USH2A: variants seen among roughly 807,000 people sequenced by gnomAD.
The protein encoded by USH2A is Usher syndrome 2A (autosomal recessive, mild).
A neutral mutation model predicts 538.9 loss-of-function variants in USH2A; 443 were observed. The ratio of observed to expected loss-of-function variants is 0.82; its 90% CI spans 0.76 to 0.89. The LOEUF is 0.89. USH2A is among the 40% of genes least tolerant of loss of function. The probability of loss-of-function intolerance (pLI) is 0.00; values close to 1 mark genes in which losing one functional copy is unlikely to be tolerated. For synonymous variants in USH2A, 2,413 were observed against 2,273.5 expected, an observed-to-expected ratio of 1.06 and a Z score of -1.75; for missense variants, 6,633 against 6,324.8, an observed-to-expected ratio of 1.05 and a Z score of -1.65.
intron 52 of USH2A, among the ~76,000 whole-genome samples, chr1:215,784,362 C>T (rs928611412): frequency 3.3e-5 from 5 of 152,136 alleles, no homozygotes; most frequent in Admixed American, 3.3e-4. Flanking sequence ...CTCAGATGGT[C>T]AATATGTTTT....
chr1:216,197,583 C>A (rs1003084475), intron 18 of USH2A, among the ~76,000 whole-genome samples: 1 of 152,144 alleles, frequency 6.6e-6, no homozygotes, highest in African/African-American at 2.4e-5. Flanking sequence ...CTAAAGCTAC[C>A]CTCATCCTCC....
intron 64 of USH2A, among the ~76,000 whole-genome samples, chr1:215,662,049 C>T (rs1246553384): frequency 1.3e-5 from 2 of 152,198 alleles, no homozygotes; most frequent in African/African-American, 4.8e-5. Context: ...CTGCCTCAAT[C>T]CTAGTAACTA....
In USH2A at chr1:215,624,437, A is replaced by AT. The variant is rs920870841; in HGVS notation, c.*1343dup. Reference sequence around the variant, plus strand: ...AGTTTTTGCCTGTCTCTGGTTGTAGATTCACAAAAAGTATTGTGACTATTG... The same window carrying AT: ...AGTTTTTGCCTGTCTCTGGTTGTAGATTTCACAAAAAGTATTGTGACTATTG... On this transcript the variant is annotated 3_prime_UTR_variant, in exon 72 of 72. Coordinates refer to ENST00000307340, the MANE Select transcript of USH2A (RefSeq NM_206933.4). 5 of 152,176 alleles carry AT rather than the reference A, an allele frequency of 3.3e-5. No individual in the cohort carries two copies. The highest frequency in any genetic ancestry group is 5.9e-5 in the Non-Finnish European group (4 of 68,030). 9.4% of individuals were successfully genotyped at this position (152,176 alleles called of 1,614,324 possible).
intron 23 of USH2A, among the ~76,000 whole-genome samples, chr1:216,088,398 C>A (rs933873146): frequency 6.6e-6 from 1 of 152,144 alleles, no homozygotes; most frequent in Non-Finnish European, 1.5e-5. Context: ...ATTCTCTTTG[C>A]TCCTTGTATC....
intron 3 of USH2A, among the ~76,000 whole-genome samples, chr1:216,374,534 CT>C (rs2038781094): frequency 6.6e-6 from 1 of 152,158 alleles, no homozygotes; most frequent in Non-Finnish European, 1.5e-5. Flanking sequence ...GGCTTCCACA[CT>C]GTAAAAATAC....
At chr1:216,087,065 G>A in intron 23 of USH2A, 2 of 465,562 alleles carry the variant, frequency 4.3e-6, no homozygotes, top group East Asian at 4.4e-5. Context: ...CACCCCCTAA[G>A]TACTCTAGAG....
At chr1:215,844,650 T>C (rs1205958065) in intron 45 of USH2A, among the ~76,000 whole-genome samples, 154 bp from the exon 46 acceptor site, 4 of 152,344 alleles carry the variant, frequency 2.6e-5, no homozygotes, top group Admixed American at 6.5e-5. Context: ...CCTCTGTAAA[T>C]TGGCTTATTA....
intron 21 of USH2A, among the ~76,000 whole-genome samples, chr1:216,139,045 G>A (rs1239407773): frequency 6.6e-6 from 1 of 151,934 alleles, no homozygotes; most frequent in Non-Finnish European, 1.5e-5. Context: ...CTTTGTCAGT[G>A]ACACCATTCC....
chr1:216,264,131 C>G (rs2036426224), intron 11 of USH2A, among the ~76,000 whole-genome samples: 1 of 151,864 alleles, frequency 6.6e-6, no homozygotes, highest in African/African-American at 2.4e-5. Flanking sequence ...GAAAGGCATC[C>G]CATGATCATG....
chr1:216,343,918 C>G (rs915110694), intron 4 of USH2A, among the ~76,000 whole-genome samples: 2 of 151,958 alleles, frequency 1.3e-5, no homozygotes, highest in African/African-American at 4.8e-5. Context: ...CTTTTATTAT[C>G]ATTGTTAAGA....
Position 215,693,116 on chromosome 1 carries a change from GTA to G in USH2A, c.12067-12742_12067-12741del, listed in dbSNP as rs1553253927. ...TATGTGTGTGTGTGTGTGTGTATGT[GTA>G]TATATATATATATATACACACACAC... On this transcript the variant is annotated intron_variant, in intron 61 of 71. Transcript: ENST00000307340. Among the ~76,000 whole-genome samples, 387 of 133,466 alleles carry G rather than the reference GTA, an allele frequency of 2.9e-3. 3 individuals carry two copies. The highest frequency in any genetic ancestry group is 3.8e-3 in the Non-Finnish European group (239 of 63,674). The allele number at this position is 133,466 out of a possible 152,430, so 87.6% of individuals were successfully genotyped here.
intron 44 of USH2A, among the ~76,000 whole-genome samples, chr1:215,861,050 T>A (rs1538638): frequency 0.45 from 68,171 of 152,010 alleles, 15,856 homozygotes; most frequent in Admixed American, 0.61. Flanking sequence ...AGGGTACTAC[T>A]GCTGACATGA....
intron 24 of USH2A, 128 bp from the exon 25 acceptor site, chr1:216,085,005 T>A: frequency 1.2e-6 from 1 of 846,056 alleles, no homozygotes; most frequent in Non-Finnish European, 1.9e-6. Context: ...GCAAGCCTCT[T>A]AATGATTCAT....
At chr1:215,958,331 T>C (rs1232442973) in intron 37 of USH2A, among the ~76,000 whole-genome samples, 2 of 152,186 alleles carry the variant, frequency 1.3e-5, no homozygotes, top group Non-Finnish European at 2.9e-5. Context: ...GCACTCTTTC[T>C]GGTAACTGGC....
chr1:216,207,328 G>A lies in USH2A; in HGVS notation c.3261C>T (p.Tyr1087=), dbSNP rs749576564. The A allele has an allele frequency of 5.0e-6, 8 of 1,610,834 alleles. No individual in the cohort carries two copies. Among genetic ancestry groups the A allele is most frequent in the East Asian group, 2.2e-5 (1 of 44,614 alleles). ...PDSPNAHWLT[Y]SLLRDGFEIY... ...TTTCAAAACCATCCCTGAGTAAACT[G>A]TAAGTAAGCCAGTGGGCATTTGGAG... is the stretch of plus-strand genomic sequence containing the variant. Residue 1087 remains tyrosine (Y), a synonymous_variant, in exon 16 of 72, where the codon TAC becomes TAT. Transcript: ENST00000307340.
At chr1:216,199,043 GT>G (rs1261426026) in intron 17 of USH2A, among the ~76,000 whole-genome samples, 1 of 152,102 alleles carries the variant, frequency 6.6e-6, no homozygotes, top group Non-Finnish European at 1.5e-5. Context: ...TTGCATAAAT[GT>G]TATAGTCAAT....
intron 13 of USH2A, among the ~76,000 whole-genome samples, chr1:216,244,545 A>G (rs1298627193): frequency 6.6e-6 from 1 of 152,172 alleles, no homozygotes; most frequent in Non-Finnish European, 1.5e-5. Flanking sequence ...GATCACCACA[A>G]TGAGAGCCAC....
intron 25 of USH2A, 122 bp from the exon 26 acceptor site, chr1:216,083,708 A>T: frequency 1.0e-6 from 1 of 986,550 alleles, no homozygotes; most frequent in Non-Finnish European, 1.5e-6. Context: ...AGAAGATGCA[A>T]ATCAATGTTA....
chr1:215,836,483 A>AGATAT, intron 47 of USH2A, among the ~76,000 whole-genome samples: 1 of 3,054 alleles, frequency 3.3e-4, no homozygotes, highest in Admixed American at 0.01. Context: ...TATATATAAT[A>AGATAT]TATATTATAT....
Sources: allele counts gnomAD v4.1 joint callset (sites outside exome capture counted in the v4.1 genomes callset), GRCh38; gene constraint gnomAD v4.1.1; transcripts MANE v1.5; gene names NCBI Gene and HGNC (gene_info 2026-07-23, HGNC 2026-07-21).